Variants in TENM4 observed in about 807,000 individuals in gnomAD.
TENM4 encodes the protein teneurin transmembrane protein 4, also known as teneurin-4.
A neutral mutation model predicts 243.3 loss-of-function variants in TENM4; 82 were observed. The ratio of observed to expected loss-of-function variants is 0.34; its 90% CI spans 0.28 to 0.40. The LOEUF (loss-of-function observed/expected upper bound fraction) is 0.40. TENM4 is among the 10% of genes least tolerant of loss of function. The pLI, the probability that TENM4 is intolerant of heterozygous loss-of-function variation, is 1.00. For synonymous variants in TENM4, 1,412 were observed against 1,456.3 expected (o/e 0.97, Z 0.69); for missense variants, 3,138 against 3,673.3 (o/e 0.85, Z 3.77).
At chr11:79,160,446 G>T (rs996722540) in intron 3 of TENM4, among the ~76,000 whole-genome samples, 6 of 152,252 alleles carry the variant, frequency 3.9e-5, no homozygotes, top group African/African-American at 1.4e-4. Context: ...GAGCTCGGGG[G>T]ACTTGGGGAG....
chr11:79,042,826 A>G (rs80096979), intron 6 of TENM4, among the ~76,000 whole-genome samples: 17,120 of 152,186 alleles, frequency 0.11, 1,366 homozygotes, highest in African/African-American at 0.21. Context: ...GGGGGCCACA[A>G]TCTGTCTCTA....
At chr11:78,948,027 T>C (rs1857037786) in intron 6 of TENM4, among the ~76,000 whole-genome samples, 2 of 152,198 alleles carry the variant, frequency 1.3e-5, no homozygotes, top group Non-Finnish European at 2.9e-5. Flanking sequence ...CAAAACCCAA[T>C]TGCTATTGTC....
chr11:78,676,450 A>G, intron 29 of TENM4, 63 bp from the exon 30 acceptor site: 1 of 1,393,868 alleles, frequency 7.2e-7, no homozygotes, highest in Non-Finnish European at 9.7e-7. Context: ...GTGTGAGGAC[A>G]GCAGAGGCGG....
At chr11:79,375,679 C>A (rs950002646) in intron 1 of TENM4, among the ~76,000 whole-genome samples, 1 of 152,082 alleles carries the variant, frequency 6.6e-6, no homozygotes, top group Non-Finnish European at 1.5e-5. Context: ...CCCTGCCCTT[C>A]GGAAGAAAAA....
chr11:79,220,422 T>C (rs566841532), intron 2 of TENM4, among the ~76,000 whole-genome samples: 2 of 152,328 alleles, frequency 1.3e-5, no homozygotes, highest in South Asian at 2.1e-4. Context: ...TCACCAGCTG[T>C]GCAGCGTTGG....
At chr11:78,794,317 G>C (rs1265219541) in intron 15 of TENM4, among the ~76,000 whole-genome samples, 7 of 152,204 alleles carry the variant, frequency 4.6e-5, no homozygotes, top group Non-Finnish European at 8.8e-5. Context: ...TTCACCCTCT[G>C]GGTAGAGGGA....
chr11:78,907,377 T>G (rs1233484618), intron 6 of TENM4, among the ~76,000 whole-genome samples: 2 of 151,880 alleles, frequency 1.3e-5, no homozygotes, highest in African/African-American at 4.8e-5. Context: ...AGTTCACCCA[T>G]TCAGCATTTA....
intron 2 of TENM4, among the ~76,000 whole-genome samples, chr11:79,238,481 T>C (rs1180412353): frequency 6.6e-6 from 1 of 152,132 alleles, no homozygotes; most frequent in Non-Finnish European, 1.5e-5. Context: ...CCTTTGGACA[T>C]GAGAACTCCT....
At chr11:79,079,546 T>C (rs1177988969) in intron 4 of TENM4, among the ~76,000 whole-genome samples, 1 of 152,172 alleles carries the variant, frequency 6.6e-6, no homozygotes, top group African/African-American at 2.4e-5. Context: ...GAAAATGTGT[T>C]AGGCTGGGCA....
intron 17 of TENM4, among the ~76,000 whole-genome samples, chr11:78,773,568 C>T (rs967576601): frequency 1.3e-5 from 2 of 152,156 alleles, no homozygotes; most frequent in African/African-American, 4.8e-5. Context: ...AGATCAGAGT[C>T]AGCAAACTTG....
rs1217656400 is a variant in TENM4, at chr11:78,778,506, G to C, written c.2392+96C>G. On this transcript the variant is annotated intron_variant, in intron 17 of 33. Transcript: ENST00000278550. Reference sequence around the variant, plus strand: ...AGCTTCCAGACATCATGCTTATGTGGTGTATATACATTTTTATATACACAT... The same window carrying C: ...AGCTTCCAGACATCATGCTTATGTGCTGTATATACATTTTTATATACACAT... 15 of 1,292,528 alleles carry C rather than the reference G, an allele frequency of 1.2e-5. No individual in the cohort carries two copies. The East Asian group carries it at 3.8e-4, about 32-fold the overall frequency. The allele number at this position is 1,292,528 out of a possible 1,614,324, so 80.1% of individuals were successfully genotyped here.
chr11:78,731,490 G>A (rs550974497), intron 21 of TENM4, among the ~76,000 whole-genome samples: 5 of 152,284 alleles, frequency 3.3e-5, no homozygotes, highest in Admixed American at 6.5e-5. Flanking sequence ...CTCCACCAGC[G>A]CCCGCAATCC....
At chr11:79,136,521 GAAC>G (rs1398573948) in intron 4 of TENM4, among the ~76,000 whole-genome samples, 45 of 152,234 alleles carry the variant, frequency 3.0e-4, no homozygotes, top group Non-Finnish European at 1.5e-5. Context: ...CAGCAGCAGA[GAAC>G]AACACTGAGC....
chr11:78,840,804 G>A (rs1245974779), intron 12 of TENM4, among the ~76,000 whole-genome samples: 1 of 152,196 alleles, frequency 6.6e-6, no homozygotes, highest in Non-Finnish European at 1.5e-5. Context: ...AGGAATGAAA[G>A]CCAGTGTGGA....
chr11:79,395,842 G>C (rs1026599902), intron 1 of TENM4, among the ~76,000 whole-genome samples: 1 of 152,112 alleles, frequency 6.6e-6, no homozygotes, highest in African/African-American at 2.4e-5. Flanking sequence ...GCCTGTTCTG[G>C]AACTCTGTAC....
At chr11:78,746,384 TC>T (rs1253767531) in intron 19 of TENM4, among the ~76,000 whole-genome samples, 1 of 152,234 alleles carries the variant, frequency 6.6e-6, no homozygotes, top group African/African-American at 2.4e-5. Flanking sequence ...TTCTGTGGCC[TC>T]CTAGCTAAGC....
intron 1 of TENM4, among the ~76,000 whole-genome samples, chr11:79,354,711 T>G (rs1280594682): frequency 6.6e-6 from 1 of 152,196 alleles, no homozygotes; most frequent in Non-Finnish European, 1.5e-5. Context: ...AATCCATCCC[T>G]TTTCTGATTA....
At chr11:79,348,178 C>A (rs1229619138) in intron 1 of TENM4, among the ~76,000 whole-genome samples, 1 of 152,180 alleles carries the variant, frequency 6.6e-6, no homozygotes, top group Non-Finnish European at 1.5e-5. Context: ...AGTCATTAGT[C>A]TTTTAACAGA....
chr11:79,182,709 C>A (rs558381712), intron 3 of TENM4, among the ~76,000 whole-genome samples: 1 of 152,142 alleles, frequency 6.6e-6, no homozygotes, highest in East Asian at 1.9e-4. Flanking sequence ...CCAAAAAACT[C>A]TTAAAGTTCA....
Sources: allele counts gnomAD v4.1 joint callset (sites outside exome capture counted in the v4.1 genomes callset), GRCh38; gene constraint gnomAD v4.1.1; transcripts MANE v1.5; gene names NCBI Gene and HGNC (gene_info 2026-07-23, HGNC 2026-07-21).